The following CSNK1G3 variants were observed in gnomAD, a reference collection of about 807,000 sequenced individuals.
The protein encoded by CSNK1G3 is casein kinase I isoform gamma-3.
Under a neutral mutation model 64.3 loss-of-function variants are expected in CSNK1G3, and 23 were observed. That is an observed-to-expected ratio of 0.36 (90% confidence interval 0.26 to 0.51). The LOEUF is 0.51. Among genes scored for constraint, CSNK1G3 ranks in the 20% least tolerant of loss-of-function variants. The probability of loss-of-function intolerance (pLI) is 0.96; values close to 1 mark genes in which losing one functional copy is unlikely to be tolerated. For synonymous variants in CSNK1G3, 158 were observed against 162.2 expected (o/e 0.97, Z 0.20); for missense variants, 357 against 510.5 (o/e 0.70, Z 2.90).
chr5:123,595,314 A>C (rs1446535004), intron 10 of CSNK1G3, among the ~76,000 whole-genome samples, 180 bp downstream of exon 11: 2 of 152,176 alleles, frequency 1.3e-5, no homozygotes, highest in Non-Finnish European at 2.9e-5. Context: ...GTCTAGAAAG[A>C]CCATCAGGAA....
chr5:123,554,687 T>C (rs1358372014), intron 3 of CSNK1G3, among the ~76,000 whole-genome samples: 1 of 152,214 alleles, frequency 6.6e-6, no homozygotes, highest in Non-Finnish European at 1.5e-5. Flanking sequence ...CCTTTTCTCA[T>C]GTTGTAGGCC....
chr5:123,552,785 T>A (rs1313359862), intron 2 of CSNK1G3, among the ~76,000 whole-genome samples: 1 of 152,200 alleles, frequency 6.6e-6, no homozygotes, highest in African/African-American at 2.4e-5. Context: ...GTTTTGAAAT[T>A]TTTTGACCAT....
rs141245143 is a variant in CSNK1G3 at position 123,575,514 on chromosome 5, T to C, written c.439-215T>C. On this transcript the variant is annotated intron_variant, in intron 5 of 12. Coordinates refer to ENST00000345990, the Ensembl canonical transcript of CSNK1G3. ...AGGAATTCATAAAATTCAAATACTC[T>C]CGTTTAGCAGTGACCATAACAGTAA... Among the ~76,000 whole-genome samples, 1,445 of 152,330 alleles carry C rather than the reference T, an allele frequency of 9.5e-3. 18 individuals are homozygous for C. The highest frequency in any genetic ancestry group is 0.011 in the Admixed American group (171 of 15,298).
intron 12 of CSNK1G3, among the ~76,000 whole-genome samples, chr5:123,610,045 G>C (rs1796046751): frequency 6.6e-6 from 1 of 152,092 alleles, no homozygotes; most frequent in Non-Finnish European, 1.5e-5. Context: ...TGAGAAAATG[G>C]GAAAATTTTG....
intron 1 of CSNK1G3, among the ~76,000 whole-genome samples, chr5:123,524,388 A>G (rs1414005143): frequency 2.6e-5 from 4 of 152,348 alleles, no homozygotes; most frequent in South Asian, 2.1e-4. Flanking sequence ...ACCTTTGCAC[A>G]TGATAACTTC....
At chr5:123,606,122 G>GT (rs1423208315) in intron 12 of CSNK1G3, among the ~76,000 whole-genome samples, 2 of 151,940 alleles carry the variant, frequency 1.3e-5, no homozygotes, top group African/African-American at 4.8e-5. Flanking sequence ...ATGCTCATTT[G>GT]TTGGCTGCAA....
At chr5:123,582,298 A>G (rs966553818) in intron 6 of CSNK1G3, among the ~76,000 whole-genome samples, 2 of 152,176 alleles carry the variant, frequency 1.3e-5, no homozygotes, top group Admixed American at 1.3e-4. Context: ...AATGCTTTCC[A>G]AAATGAAAAA....
chr5:123,608,674 A>G (rs771304874), intron 12 of CSNK1G3, among the ~76,000 whole-genome samples: 1 of 152,188 alleles, frequency 6.6e-6, no homozygotes, highest in Non-Finnish European at 1.5e-5. Context: ...CAACTTTTAT[A>G]CAATGGTTCT....
intron 1 of CSNK1G3, among the ~76,000 whole-genome samples, chr5:123,523,007 AAG>A (rs1416872450): frequency 1.3e-5 from 2 of 152,208 alleles, no homozygotes; most frequent in African/African-American, 4.8e-5. Flanking sequence ...TATAAATTAT[AAG>A]AGGGGAAGAA....
At chr5:123,599,993 A>G (rs373968740) in intron 10 of CSNK1G3, among the ~76,000 whole-genome samples, 3 of 152,158 alleles carry the variant, frequency 2.0e-5, no homozygotes, top group South Asian at 4.1e-4. Flanking sequence ...GCATGTCACT[A>G]TCTGTGCTTT....
chr5:123,520,009 C>T (rs1045215170), intron 1 of CSNK1G3, among the ~76,000 whole-genome samples: 3 of 151,832 alleles, frequency 2.0e-5, no homozygotes, highest in African/African-American at 7.3e-5. Context: ...CAGAAGTTTT[C>T]TTTTTTTTCC....
At chr5:123,518,192 C>T (rs986684660) in intron 1 of CSNK1G3, among the ~76,000 whole-genome samples, 2 of 152,168 alleles carry the variant, frequency 1.3e-5, no homozygotes, top group African/African-American at 4.8e-5. Context: ...ATGTGACACC[C>T]TTGATATATA....
At chr5:123,595,860 G>A (rs892318593) in intron 10 of CSNK1G3, among the ~76,000 whole-genome samples, 1 of 152,018 alleles carries the variant, frequency 6.6e-6, no homozygotes, top group Non-Finnish European at 1.5e-5. Flanking sequence ...AAAGATTGCT[G>A]AGTCTCGTAT....
At chr5:123,558,216 T>G (rs904245333) in intron 4 of CSNK1G3, among the ~76,000 whole-genome samples, 13 of 152,188 alleles carry the variant, frequency 8.5e-5, no homozygotes, top group Admixed American at 7.9e-4. Flanking sequence ...TAAATTTCTG[T>G]TGTTGTAAGC....
intron 5 of CSNK1G3, among the ~76,000 whole-genome samples, chr5:123,574,698 T>C (rs1581216827): frequency 6.6e-6 from 1 of 151,176 alleles, no homozygotes; most frequent in Non-Finnish European, 1.5e-5. Context: ...GGTGTGGTGG[T>C]GTGCTTGTGT....
chr5:123,545,560 C>A, exon 2 of CSNK1G3: 1 of 826,282 alleles, frequency 1.2e-6, no homozygotes, highest in Non-Finnish European at 1.8e-6. Flanking sequence ...GTTAACATTA[C>A]CCATCTGGTA....
At chr5:123,596,192 C>T (rs1793408965) in intron 10 of CSNK1G3, among the ~76,000 whole-genome samples, 1 of 151,764 alleles carries the variant, frequency 6.6e-6, no homozygotes, top group Non-Finnish European at 1.5e-5. Flanking sequence ...TAATGGAGTA[C>T]TTTTGTAGAA....
At chr5:123,554,562 T>C (rs1229484072) in intron 3 of CSNK1G3, among the ~76,000 whole-genome samples, 4 of 152,168 alleles carry the variant, frequency 2.6e-5, no homozygotes, top group African/African-American at 9.7e-5. Context: ...AGGCCTACTG[T>C]GGGATCCGCC....
intron 4 of CSNK1G3, among the ~76,000 whole-genome samples, chr5:123,559,692 A>C (rs1330953709): frequency 1.6e-5 from 2 of 126,004 alleles, no homozygotes; most frequent in Admixed American, 1.6e-4. Flanking sequence ...ATTTGGGCAT[A>C]TTTTTTGTGG....
Sources: gnomAD v4.1 joint callset for allele counts (sites outside exome capture counted in the v4.1 genomes callset) on GRCh38, gnomAD v4.1.1 for gene constraint, MANE v1.5 for transcripts, NCBI Gene and HGNC (gene_info 2026-07-23, HGNC 2026-07-21) for gene names.